Variants in RTF1 observed in about 807,000 individuals in gnomAD.
RTF1 encodes RNA polymerase-associated protein RTF1 homolog.
A neutral mutation model predicts 95.7 loss-of-function variants in RTF1; 10 were observed. That is an observed-to-expected ratio of 0.10 (90% CI 0.06 to 0.18). RTF1 has a LOEUF of 0.18. Ranked by LOEUF, RTF1 falls within the 10% of genes least tolerant of loss-of-function variation. The probability of loss-of-function intolerance (pLI) is 1.00; values close to 1 mark genes in which losing one functional copy is unlikely to be tolerated. For synonymous variants in RTF1, 305 were observed against 311.8 expected (o/e 0.98, Z 0.23); for missense variants, 458 against 875.6 (o/e 0.52, Z 6.02).
In RTF1 at chr15:41,417,265, G is replaced by A; in HGVS notation, c.150G>A (p.Val50=). The A allele has an allele frequency of 8.0e-7, 1 of 1,252,206 alleles. No individual in the cohort carries two copies. Among genetic ancestry groups the A allele is most frequent in the South Asian group, 3.9e-5 (1 of 25,808 alleles). 77.6% of individuals were successfully genotyped at this position (1,252,206 alleles called of 1,614,324 possible). A position where few individuals can be genotyped will look rare whatever the true frequency, so the allele number is the denominator to read the frequency against. Residue 50 remains valine, a synonymous_variant, in exon 1 of 18, where the codon GTG becomes GTA. Coordinates refer to ENST00000389629, the MANE Select transcript of RTF1 (RefSeq NM_015138.5). ...TMVKKRKGRV[V]IDSDTEDSGS... is the part of the protein sequence containing the mutation. The stretch of plus-strand genomic sequence containing the variant: ...TAAAGAAGCGGAAAGGCCGCGTCGT[G>A]ATCGACTCGGACACAGAGGACAGCG...
chr15:41,419,920 A>G, intron 1 of RTF1, among the ~76,000 whole-genome samples: 1 of 152,098 alleles, frequency 6.6e-6, no homozygotes, highest in East Asian at 1.9e-4. Context: ...ACTGGGTTCA[A>G]GCGATTCTCC....
intron 13 of RTF1, 26 bp from the exon 14 acceptor site, chr15:41,477,432 A>T (rs1479375935): frequency 1.2e-6 from 2 of 1,614,064 alleles, no homozygotes; most frequent in South Asian, 1.1e-5. Context: ...TTTCACAGCC[A>T]CTGACTCATC....
intron 1 of RTF1, among the ~76,000 whole-genome samples, chr15:41,428,715 GGT>G (rs1213447946): frequency 1.3e-5 from 2 of 151,678 alleles, no homozygotes; most frequent in Non-Finnish European, 2.9e-5. Flanking sequence ...TGGGATCACA[GGT>G]GTGTGCCACC....
intron 1 of RTF1, among the ~76,000 whole-genome samples, chr15:41,425,562 G>T (rs1298673839): frequency 6.6e-6 from 1 of 152,156 alleles, no homozygotes; most frequent in Non-Finnish European, 1.5e-5. Flanking sequence ...GCAGAGAGAG[G>T]AGTCCAGATG....
In RTF1 at chr15:41,442,861, G is replaced by A. The variant is rs191296069; in HGVS notation, c.309+4430G>A. On this transcript the variant is annotated intron_variant, in intron 2 of 17. Coordinates refer to ENST00000389629, the MANE Select transcript of RTF1 (RefSeq NM_015138.5). Reference sequence around the variant, plus strand: ...AGAACGCTCCACTATATTCCAGGCTGGGCCCCAGAGTGAGACTGCATCTCA... The same window carrying A: ...AGAACGCTCCACTATATTCCAGGCTAGGCCCCAGAGTGAGACTGCATCTCA... 3.8e-4 allele frequency among the ~76,000 whole-genome samples: 58 copies of A among 152,182 alleles called. 1 individual carries two copies. The East Asian group carries it at 0.01, about 27-fold the overall frequency.
Position 41,477,446 on chromosome 15 carries a change from CT to C in RTF1, c.1683-10del. On this transcript the variant is annotated splice_polypyrimidine_tract_variant and intron_variant, in intron 13 of 17. Coordinates refer to ENST00000389629, the MANE Select transcript of RTF1 (RefSeq NM_015138.5). Reference sequence around the variant, plus strand: ...GTTTCACAGCCACTGACTCATCCCTCTTACCCCACAGTTACATCAACCAGCG... The same window carrying C: ...GTTTCACAGCCACTGACTCATCCCTCTACCCCACAGTTACATCAACCAGCG... 1 of 1,614,200 alleles carries C rather than the reference CT, an allele frequency of 6.2e-7. No homozygotes were observed.
intron 4 of RTF1, among the ~76,000 whole-genome samples, chr15:41,460,315 G>T (rs1171402835): frequency 6.6e-6 from 1 of 151,756 alleles, no homozygotes; most frequent in Admixed American, 6.6e-5. Flanking sequence ...TAGAGACAGG[G>T]TTTCACCATG....
At chr15:41,470,535 C>CT (rs2050904835) in intron 7 of RTF1, 143 bp downstream of exon 7, 2 of 821,042 alleles carry the variant, frequency 2.4e-6, no homozygotes. Flanking sequence ...TTCCCCAGCA[C>CT]GTCAGCCCAT....
chr15:41,419,758 G>C (rs1302849695), intron 1 of RTF1, among the ~76,000 whole-genome samples: 1 of 152,194 alleles, frequency 6.6e-6, no homozygotes, highest in Non-Finnish European at 1.5e-5. Context: ...TCGTGGTAGA[G>C]ATATTTCACC....
intron 1 of RTF1, among the ~76,000 whole-genome samples, chr15:41,431,680 G>A (rs372193226): frequency 6.6e-6 from 1 of 151,966 alleles, no homozygotes; most frequent in African/African-American, 2.4e-5. Flanking sequence ...TGGATTTTTT[G>A]TACAGACGGG....
chr15:41,482,188 G>A lies in RTF1; in HGVS notation c.*1501G>A, dbSNP rs921990498. On this transcript the variant is annotated 3_prime_UTR_variant, in exon 18 of 18. Coordinates refer to ENST00000389629, the MANE Select transcript of RTF1 (RefSeq NM_015138.5). The stretch of plus-strand genomic sequence containing the variant: ...CAGCTAGGGCGAAGCCAGCAGAGGT[G>A]TGTGTATGTCTTTATGAAATGTTTG... 1.3e-5 allele frequency: 2 copies of A among 152,642 alleles called. No individual in the cohort carries two copies. Among genetic ancestry groups the A allele is most frequent in the Admixed American group, 6.5e-5 (1 of 15,284 alleles). The allele number at this position is 152,642 out of a possible 1,614,324, so 9.5% of individuals were successfully genotyped here.
intron 2 of RTF1, among the ~76,000 whole-genome samples, chr15:41,439,804 A>G (rs546936656): frequency 6.6e-6 from 1 of 152,062 alleles, no homozygotes; most frequent in South Asian, 2.1e-4. Flanking sequence ...AGCACGCACC[A>G]CAGTGCCCGG....
At chr15:41,475,908 C>G (rs2050939713) in intron 11 of RTF1, 89 bp downstream of exon 11, 2 of 666,878 alleles carry the variant, frequency 3.0e-6, no homozygotes, top group South Asian at 3.9e-5. Flanking sequence ...TATATCTTGA[C>G]ATTTTTAGCT....
Position 41,479,730 on chromosome 15 carries a change from G to A in RTF1, c.1915-484G>A, listed in dbSNP as rs536837412. Among the ~76,000 whole-genome samples, 37 of 152,144 alleles carry A rather than the reference G, an allele frequency of 2.4e-4. 1 individual carries two copies. In the South Asian group the frequency reaches 7.7e-3, roughly 32 times the overall value. On this transcript the variant is annotated intron_variant, in intron 16 of 17. Coordinates refer to ENST00000389629, the MANE Select transcript of RTF1 (RefSeq NM_015138.5). ...AGAAAAAAAATAGCTGGGCATGGTG[G>A]CGGGTTCCGATAACTCCAGCTACTG...
rs538418785 is a variant in RTF1, at chr15:41,470,134, C to T, written c.890-123C>T. 3.9e-6 allele frequency: 4 copies of T among 1,015,274 alleles called. No homozygotes were observed. The South Asian group carries it at 6.6e-5, about 17-fold the overall frequency. 62.9% of individuals were successfully genotyped at this position (1,015,274 alleles called of 1,614,324 possible). ...TTTCTGTATATACCCCAAGTTAGCACAATCCAGTCTAGAGAGGACGGAGCT... is the reference window on the plus strand; with the variant it reads ...TTTCTGTATATACCCCAAGTTAGCATAATCCAGTCTAGAGAGGACGGAGCT... On this transcript the variant is annotated intron_variant, in intron 6 of 17. Transcript: ENST00000389629.
chr15:41,426,802 TG>T (rs1374188985), intron 1 of RTF1, among the ~76,000 whole-genome samples: 14 of 138,168 alleles, frequency 1.0e-4, no homozygotes, highest in African/African-American at 3.7e-4. Flanking sequence ...TGTGTGTGTG[TG>T]TGTGTGTGTG....
At chr15:41,417,941 CTT>C (rs982856683) in intron 1 of RTF1, among the ~76,000 whole-genome samples, 23 of 151,778 alleles carry the variant, frequency 1.5e-4, no homozygotes, top group Middle Eastern at 3.4e-3. Context: ...AAAAAACACT[CTT>C]GGGTGGAGGA....
chr15:41,453,192 T>A, intron 3 of RTF1, 144 bp downstream of exon 3: 1 of 587,028 alleles, frequency 1.7e-6, no homozygotes, highest in Non-Finnish European at 2.7e-6. Context: ...TTTTCCATGG[T>A]CATGGATGCT....
In RTF1 at chr15:41,454,160, G is replaced by A. The variant is rs1478255087; in HGVS notation, c.457+1112G>A. Among the ~76,000 whole-genome samples the A allele has an allele frequency of 2.0e-5, 3 of 152,006 alleles. No individual in the cohort carries two copies. The East Asian group carries it at 5.8e-4, about 29-fold the overall frequency. Reference sequence around the variant, plus strand: ...TGCCCAGGCTGGAGTGCAATGGCGCGTTCTTGGCTCACTGCAACCTCTGTG... The same window carrying A: ...TGCCCAGGCTGGAGTGCAATGGCGCATTCTTGGCTCACTGCAACCTCTGTG... On this transcript the variant is annotated intron_variant, in intron 3 of 17. Transcript: ENST00000389629.
Sources: gnomAD v4.1 joint callset for allele counts (sites outside exome capture counted in the v4.1 genomes callset) on GRCh38, gnomAD v4.1.1 for gene constraint, MANE v1.5 for transcripts, NCBI Gene and HGNC (gene_info 2026-07-23, HGNC 2026-07-21) for gene names.